Variants in TEP1 observed in about 807,000 individuals in gnomAD.
The protein encoded by TEP1 is telomerase associated protein 1.
A neutral mutation model predicts 306.3 loss-of-function variants in TEP1; 241 were observed. The ratio of observed to expected loss-of-function variants is 0.79; its 90% CI spans 0.71 to 0.88. TEP1 has a LOEUF of 0.88. Ranked by LOEUF, TEP1 falls within the 40% of genes least tolerant of loss-of-function variation. TEP1 has a pLI of 0.00. For missense variants in TEP1, 3,051 were observed against 3,276.1 expected (o/e 0.93, Z 1.68); for synonymous variants, 1,289 against 1,305.5 (o/e 0.99, Z 0.27).
chr14:20,388,942 G>A (rs1877455882), intron 17 of TEP1, among the ~76,000 whole-genome samples: 1 of 152,280 alleles, frequency 6.6e-6, no homozygotes, highest in South Asian at 2.1e-4. Flanking sequence ...AAGGTCAGGA[G>A]TTCAAGACCA....
rs1035182039 is a variant in TEP1, at chr14:20,391,158, C to G, written c.2098-62G>C. 6.4e-6 allele frequency: 10 copies of G among 1,573,466 alleles called. No individual in the cohort carries two copies. The African/African-American group carries it at 9.4e-5, about 15-fold the overall frequency. On this transcript the variant is annotated intron_variant, in intron 13 of 54. Transcript: ENST00000262715. ...TGCTTTGGAATTCACCCTTGCCCAG[C>G]CAGCCCTGGAGGCCAAACCCTTCCA...
chr14:20,406,523 G>A, intron 2 of TEP1, 123 bp from the exon 3 acceptor site: 1 of 967,952 alleles, frequency 1.0e-6, no homozygotes, highest in Non-Finnish European at 1.6e-6. Flanking sequence ...CACCTCTAAT[G>A]TTCTCTCCCT....
intron 41 of TEP1, 141 bp from the exon 42 acceptor site, chr14:20,376,405 A>G: frequency 1.1e-6 from 1 of 882,640 alleles, no homozygotes; most frequent in Non-Finnish European, 1.7e-6. Flanking sequence ...AGGGAGTCAC[A>G]AGGCTGTGGA....
At chr14:20,406,158 A>C (rs945806252) in intron 3 of TEP1, 75 bp downstream of exon 3, 3 of 1,484,310 alleles carry the variant, frequency 2.0e-6, no homozygotes, top group African/African-American at 2.8e-5. Flanking sequence ...TGGGGAGGGG[A>C]CCTGGTTCAA....
At position 20,366,268 on chromosome 14, in the gene TEP1, T is replaced by G. The variant is rs1343613411; in HGVS notation, c.*2169A>C. 8 of 152,208 alleles carry G rather than the reference T, an allele frequency of 5.3e-5. No individual in the cohort carries two copies. In the East Asian group the frequency reaches 1.5e-3, roughly 29 times the overall value. 9.4% of individuals were successfully genotyped at this position (152,208 alleles called of 1,614,324 possible). ...CACTCCAGCCTTAGCTGGGATGCTT[T>G]TATATAATTTTCAGAGCATGGAAGA... On this transcript the variant is annotated 3_prime_UTR_variant, in exon 55 of 55. Transcript: ENST00000262715.
At position 20,373,584 on chromosome 14, in the gene TEP1, C is replaced by G. The variant is rs1267924253; in HGVS notation, c.6605-1G>C. ...AGAAGCTCTGACCCAGGCTGTCCAG[C>G]TGATAAGACACAGAGACTGAGTCAG... On this transcript the variant is annotated splice_acceptor_variant, in intron 45 of 54. Transcript: ENST00000262715. LOFTEE classifies it high-confidence loss of function. 2.5e-6 allele frequency: 4 copies of G among 1,614,192 alleles called. No individual in the cohort carries two copies. The highest frequency in any genetic ancestry group is 3.3e-4 in the Middle Eastern group (2 of 6,062).
intron 9 of TEP1, chr14:20,400,700 T>G (rs758782717): frequency 1.1e-5 from 4 of 349,808 alleles, no homozygotes; most frequent in Non-Finnish European, 2.1e-5. Context: ...TACAGAGATA[T>G]CGATATGAGT....
intron 8 of TEP1, 134 bp downstream of exon 8, chr14:20,401,323 G>T: frequency 7.2e-7 from 1 of 1,390,210 alleles, no homozygotes; most frequent in Non-Finnish European, 9.7e-7. Context: ...AATTGGAAAG[G>T]CAGTCATGTC....
chr14:20,403,591 T>C (rs1878932895), intron 6 of TEP1, 132 bp downstream of exon 6: 8 of 1,583,496 alleles, frequency 5.1e-6, no homozygotes, highest in Non-Finnish European at 6.0e-6. Flanking sequence ...GCCCATGAGC[T>C]CTACCCAGCT....
In TEP1 at chr14:20,378,200, C is replaced by T; in HGVS notation, c.5545G>A (p.Ala1849Thr). The T allele has an allele frequency of 1.2e-6, 2 of 1,613,730 alleles. No individual in the cohort carries two copies. Among genetic ancestry groups the T allele is most frequent in the Non-Finnish European group, 1.7e-6 (2 of 1,180,016 alleles). ...ACAACCCCCCCAGGCACATTGAAGG[C>T]CAAGGTACGGATAGAGGCTCCGGGT... ...GAPGASIRTL[A>T]FNVPGGVVAV... is the part of the protein sequence containing the mutation. The change falls in exon 39 of 55, where the codon GCC (alanine) becomes ACC (threonine). Residue 1849 changes from alanine to threonine, a missense_variant. Around this residue, in one of 3 missense-constraint regions of TEP1, gnomAD observed 1,540 missense variants for 1,705.9 expected, o/e 0.90. Coordinates refer to ENST00000262715, the MANE Select transcript of TEP1 (RefSeq NM_007110.5).
chr14:20,384,487 A>C lies in TEP1; in HGVS notation c.3243T>G (p.Gly1081=), dbSNP rs773275695. 233 of 1,612,728 alleles carry C rather than the reference A, an allele frequency of 1.4e-4. No individual in the cohort carries two copies. Among genetic ancestry groups the C allele is most frequent in the Non-Finnish European group, 1.4e-4 (171 of 1,179,748 alleles). ...CAACATAGGGCCGGCCAGCTGCCAC[A>C]CCCCCCCACTCACAGGGGTATCTGT... is the stretch of plus-strand genomic sequence containing the variant. ...TCRRYPCEWG[G]VAAGRPYVGG... is the part of the protein sequence containing the mutation. The change falls in exon 23 of 55, where the codon GGT becomes GGG. Residue 1081 remains glycine (G), a synonymous_variant. Transcript: ENST00000262715.
chr14:20,380,954 A>G lies in TEP1; in HGVS notation c.4739T>C (p.Leu1580Pro). 2 of 1,614,196 alleles carry G rather than the reference A, an allele frequency of 1.2e-6. No individual in the cohort carries two copies. Among genetic ancestry groups the G allele is most frequent in the South Asian group, 2.2e-5 (2 of 91,084 alleles). The change falls in exon 33 of 55, where the codon CTC (leucine) becomes CCC (proline). Residue 1580 changes from leucine (L) to proline (P), a missense_variant. Physicochemically the swap from Leu to Pro is moderately conservative, Grantham distance 98. Transcript: ENST00000262715. Reference protein sequence around the residue: ...AHLELGLVSRLLEAHALYASS... With the variant: ...AHLELGLVSRPLEAHALYASS... The stretch of plus-strand genomic sequence containing the variant: ...ACCATAGAGGGCATGGGCCTCCAAG[A>G]GCCGAGAGACCAGACCCAATTCCAA...
intron 12 of TEP1, among the ~76,000 whole-genome samples, chr14:20,395,015 TTTCAAAA>T (rs1878073245): frequency 6.6e-6 from 1 of 152,130 alleles, no homozygotes; most frequent in African/African-American, 2.4e-5. Flanking sequence ...TTTGTGTGTA[TTTCAAAA>T]TACACACACA....
chr14:20,369,613 G>A, intron 52 of TEP1, 37 bp from the exon 53 acceptor site: 1 of 1,613,350 alleles, frequency 6.2e-7, no homozygotes. Context: ...CCAAGTCTCA[G>A]GGATCTGCCA....
chr14:20,379,205 G>T, intron 35 of TEP1, 100 bp from the exon 36 acceptor site: 2 of 1,471,586 alleles, frequency 1.4e-6, no homozygotes, highest in Non-Finnish European at 1.8e-6. Context: ...AGGCACAAAG[G>T]CCATGAGTCC....
intron 12 of TEP1, among the ~76,000 whole-genome samples, chr14:20,394,120 C>T (rs2139130114): frequency 6.6e-6 from 1 of 152,128 alleles, no homozygotes; most frequent in South Asian, 2.1e-4. Context: ...TCCTCTGTTG[C>T]CTAGTCTGTG....
chr14:20,396,498 A>C (rs535003545), intron 10 of TEP1, 123 bp downstream of exon 10: 1 of 689,702 alleles, frequency 1.4e-6, no homozygotes, highest in South Asian at 2.3e-5. Flanking sequence ...GCCCACATGG[A>C]AACAGCTTGA....
intron 11 of TEP1, 88 bp from the exon 12 acceptor site, chr14:20,395,715 TG>T: frequency 6.5e-7 from 1 of 1,534,794 alleles, no homozygotes; most frequent in Non-Finnish European, 8.9e-7. Flanking sequence ...CCCCAACCCT[TG>T]GGGCTGGCAA....
At chr14:20,372,220 T>C (rs1884880937) in intron 49 of TEP1, among the ~76,000 whole-genome samples, 1 of 152,162 alleles carries the variant, frequency 6.6e-6, no homozygotes, top group Non-Finnish European at 1.5e-5. Context: ...CATCTCCATA[T>C]CTTCTGTACA....
Sources: gnomAD v4.1 joint callset for allele counts (sites outside exome capture counted in the v4.1 genomes callset) on GRCh38, gnomAD v4.1.1 for gene constraint, gnomAD v4.1.1 regional missense constraint, MANE v1.5 for transcripts, NCBI Gene and HGNC (gene_info 2026-07-23, HGNC 2026-07-21) for gene names.